The following STK32B variants were observed in gnomAD, a reference collection of about 807,000 sequenced individuals.
STK32B encodes the protein serine/threonine kinase 32B.
In STK32B, 43 loss-of-function variants were observed where a neutral mutation model predicts 52.6. That is an observed-to-expected ratio of 0.82 (90% CI 0.64 to 1.05). The LOEUF (loss-of-function observed/expected upper bound fraction) is 1.05, where lower values mean the gene tolerates loss of function less well. STK32B is among the 50% of genes least tolerant of loss of function. The probability of loss-of-function intolerance (pLI) is 0.00; values close to 1 mark genes in which losing one functional copy is unlikely to be tolerated. For synonymous variants in STK32B, 238 were observed against 204.3 expected, an observed-to-expected ratio of 1.17 and a Z score of -1.41; for missense variants, 621 against 534.6, an observed-to-expected ratio of 1.16 and a Z score of -1.59.
chr4:5,245,639 C>T (rs1201865491), intron 3 of STK32B, among the ~76,000 whole-genome samples: 3 of 152,076 alleles, frequency 2.0e-5, no homozygotes, highest in African/African-American at 7.2e-5. Context: ...TTATTTTGCT[C>T]GTTAGTTGAT....
rs541530611 is a variant in STK32B at position 5,135,015 on chromosome 4, T to C, written c.53-4890T>C. 6.6e-5 allele frequency among the ~76,000 whole-genome samples: 10 copies of C among 152,344 alleles called. No homozygotes were observed. The East Asian group carries it at 1.7e-3, about 26-fold the overall frequency. On this transcript the variant is annotated intron_variant, in intron 1 of 11. Coordinates refer to ENST00000282908, the MANE Select transcript of STK32B (RefSeq NM_018401.3). ...GAAATGAGAAAAGAGCCCACTGGCA[T>C]GTAAAGTAGGACAACCAGATTTACC...
intron 2 of STK32B, among the ~76,000 whole-genome samples, chr4:5,161,661 A>T (rs1718456959): frequency 6.6e-6 from 1 of 152,162 alleles, no homozygotes. Flanking sequence ...AACGGATCAC[A>T]TTGCTTTCTT....
At chr4:5,444,253 A>G (rs1715133312) in intron 6 of STK32B, among the ~76,000 whole-genome samples, 1 of 152,040 alleles carries the variant, frequency 6.6e-6, no homozygotes, top group African/African-American at 2.4e-5. Context: ...AATCAGCGAG[A>G]CTCCGTGGGT....
chr4:5,304,140 A>T (rs1729758275), intron 3 of STK32B, among the ~76,000 whole-genome samples: 1 of 152,264 alleles, frequency 6.6e-6, no homozygotes, highest in East Asian at 1.9e-4. Flanking sequence ...CTTTTGGCTT[A>T]GTCTTGCTAT....
intron 9 of STK32B, among the ~76,000 whole-genome samples, chr4:5,462,883 G>A (rs971584113): frequency 6.6e-6 from 1 of 152,204 alleles, no homozygotes; most frequent in South Asian, 2.1e-4. Context: ...GTAGGGTTTT[G>A]TGGAGCCATA....
intron 6 of STK32B, among the ~76,000 whole-genome samples, chr4:5,420,955 A>G (rs1387934868): frequency 6.6e-6 from 1 of 152,088 alleles, no homozygotes; most frequent in Admixed American, 6.5e-5. Context: ...GCTAGAGTAT[A>G]ATGGCATGAT....
At position 5,399,173 on chromosome 4, in the gene STK32B, G is replaced by A. The variant is rs1012824375; in HGVS notation, c.472+929G>A. 6.6e-6 allele frequency among the ~76,000 whole-genome samples: 1 copy of A among 152,198 alleles called. No homozygotes were observed. The highest frequency in any genetic ancestry group is 6.5e-5 in the Admixed American group (1 of 15,282). ...TAAATTCACTGGCATTGCTTCAGGG[G>A]CCCGTCTCTCAGGGCCTAACATGGG... On this transcript the variant is annotated intron_variant, in intron 5 of 11. Coordinates refer to ENST00000282908, the MANE Select transcript of STK32B (RefSeq NM_018401.3). The surrounding 1 kb of genome is among the most constrained non-coding windows in gnomAD (Gnocchi z 5.4).
intron 3 of STK32B, among the ~76,000 whole-genome samples, chr4:5,214,020 G>A (rs1723049255): frequency 6.6e-6 from 1 of 152,110 alleles, no homozygotes; most frequent in Admixed American, 6.5e-5. Flanking sequence ...TCTGTGCATG[G>A]TATGAGGTTC....
chr4:5,205,804 G>A (rs1722538516), intron 3 of STK32B, among the ~76,000 whole-genome samples: 1 of 151,998 alleles, frequency 6.6e-6, no homozygotes, highest in South Asian at 2.1e-4. Context: ...GGGCCTTGGG[G>A]AGATATCTGT....
chr4:5,334,125 C>T (rs1311232545), intron 4 of STK32B, among the ~76,000 whole-genome samples: 1 of 151,854 alleles, frequency 6.6e-6, no homozygotes, highest in Non-Finnish European at 1.5e-5. Flanking sequence ...AATGTTCTTC[C>T]ATTTCTTTGT....
chr4:5,194,314 G>T (rs1721473945), intron 3 of STK32B, among the ~76,000 whole-genome samples: 1 of 152,166 alleles, frequency 6.6e-6, no homozygotes, highest in Non-Finnish European at 1.5e-5. Flanking sequence ...TTAGATATTT[G>T]TACTTGGTCC....
rs749471083 is a variant in STK32B, at chr4:5,051,926, G to T, written c.52+11G>T. On this transcript the variant is annotated intron_variant, in intron 1 of 11. Coordinates refer to ENST00000282908, the MANE Select transcript of STK32B (RefSeq NM_018401.3). ...ACGAGAATGAGGAAGGTAAGAGAGC[G>T]AGAGGTGCGAATTCCCGCTTCGCGG... The T allele has an allele frequency of 2.8e-5, 45 of 1,587,622 alleles. No homozygotes were observed. The highest frequency in any genetic ancestry group is 3.6e-5 in the Non-Finnish European group (42 of 1,167,658).
intron 6 of STK32B, 82 bp downstream of exon 6, chr4:5,417,016 C>G: frequency 8.0e-7 from 1 of 1,254,818 alleles, no homozygotes; most frequent in African/African-American, 1.5e-5. Context: ...TCATCTGCCA[C>G]TGCCCGCTGC....
chr4:5,063,530 A>G (rs867991146), intron 1 of STK32B, among the ~76,000 whole-genome samples: 1 of 152,068 alleles, frequency 6.6e-6, no homozygotes, highest in Non-Finnish European at 1.5e-5. Flanking sequence ...TTTAGTAGAG[A>G]CGGGGTTTCA....
intron 6 of STK32B, among the ~76,000 whole-genome samples, chr4:5,423,552 C>G (rs912503393): frequency 6.6e-6 from 1 of 152,128 alleles, no homozygotes; most frequent in Non-Finnish European, 1.5e-5. Context: ...GCTAATAGTT[C>G]GATAATTATT....
rs1263110766 is a variant in STK32B at position 5,378,149 on chromosome 4, T to TC, written c.435-20054dup. Among the ~76,000 whole-genome samples the TC allele has an allele frequency of 6.6e-6, 1 of 152,188 alleles. No individual in the cohort carries two copies. The highest frequency in any genetic ancestry group is 1.9e-4 in the East Asian group (1 of 5,190). ...AAGAACTGAAAAAGGAGTAACTGCC[T>TC]CCCCGTCTGTCTGAGTGTTCATTCA... On this transcript the variant is annotated intron_variant, in intron 4 of 11. Coordinates refer to ENST00000282908, the MANE Select transcript of STK32B (RefSeq NM_018401.3). The surrounding 1 kb of genome is among the most constrained non-coding windows in gnomAD (Gnocchi z 4.4).
At position 5,417,336 on chromosome 4, in the gene STK32B, A is replaced by T. The variant is rs367974786; in HGVS notation, c.562+402A>T. ...GTAGTTTTAAATGGTTTTTTAAGGA[A>T]TTTTTATGGGATTATTGTTTTTAGT... On this transcript the variant is annotated intron_variant, in intron 6 of 11. Transcript: ENST00000282908. Among the ~76,000 whole-genome samples, 43 of 152,218 alleles carry T rather than the reference A, an allele frequency of 2.8e-4. 1 individual carries two copies. In the South Asian group the frequency reaches 8.3e-3, roughly 29 times the overall value.
chr4:5,103,470 A>G (rs1050055031), intron 1 of STK32B, among the ~76,000 whole-genome samples: 1 of 152,198 alleles, frequency 6.6e-6, no homozygotes, highest in Admixed American at 6.5e-5. Context: ...GTTTACTCAT[A>G]TGATGCAGTT....
intron 3 of STK32B, among the ~76,000 whole-genome samples, chr4:5,276,003 T>C (rs758809913): frequency 2.7e-4 from 41 of 152,188 alleles, no homozygotes; most frequent in Middle Eastern, 3.4e-3. Flanking sequence ...TTAAAAGACA[T>C]TTAGGCCGGG....
Sources: gnomAD v4.1 joint callset for allele counts (sites outside exome capture counted in the v4.1 genomes callset) on GRCh38, gnomAD v4.1.1 for gene constraint, Gnocchi (gnomAD v3.1) non-coding constraint, MANE v1.5 for transcripts, NCBI Gene and HGNC (gene_info 2026-07-23, HGNC 2026-07-21) for gene names.